CYP19A1: variants seen among roughly 807,000 people sequenced by gnomAD.
CYP19A1 encodes cytochrome P450 family 19 subfamily A member 1, also known as aromatase.
A neutral mutation model predicts 44.4 loss-of-function variants in CYP19A1; 32 were observed. The ratio of observed to expected loss-of-function variants is 0.72; its 90% CI spans 0.54 to 0.97. The LOEUF is 0.97. CYP19A1 is among the 50% of genes least tolerant of loss of function. CYP19A1 has a pLI of 0.00. For missense variants in CYP19A1, 598 were observed against 637.8 expected, an observed-to-expected ratio of 0.94 and a Z score of 0.67; for synonymous variants, 212 against 215.6, an observed-to-expected ratio of 0.98 and a Z score of 0.14.
chr15:51,304,557 T>C (rs1332402714), intron 1 of CYP19A1, among the ~76,000 whole-genome samples: 1 of 152,240 alleles, frequency 6.6e-6, no homozygotes, highest in African/African-American at 2.4e-5. Context: ...ATGGGAAATG[T>C]TTATTTCCTT....
chr15:51,313,775 CGACAGAGTGA>C (rs1038444184), intron 1 of CYP19A1, among the ~76,000 whole-genome samples: 1 of 151,864 alleles, frequency 6.6e-6, no homozygotes, highest in Non-Finnish European at 1.5e-5. Context: ...CCAGCCTGGG[CGACAGAGTGA>C]GACTCTATCT....
intron 1 of CYP19A1, chr15:51,255,828 G>A (rs1029457384): frequency 6.6e-6 from 1 of 152,160 alleles, no homozygotes; most frequent in Non-Finnish European, 1.5e-5. Context: ...AGCTTTTTAA[G>A]GATGGATAAA....
At chr15:51,221,349 T>C (rs1039933470) in intron 5 of CYP19A1, 1 of 152,120 alleles carries the variant, frequency 6.6e-6, no homozygotes, top group Non-Finnish European at 1.5e-5. Flanking sequence ...ATACATAATA[T>C]AAATGACTTT....
chr15:51,231,931 A>G (rs1342486265), intron 3 of CYP19A1, among the ~76,000 whole-genome samples: 2 of 151,964 alleles, frequency 1.3e-5, no homozygotes. Context: ...GTCCCTATTC[A>G]AGGCCAACCC....
At position 51,285,830 on chromosome 15, in the gene CYP19A1, T is replaced by C. The variant is rs146422084; in HGVS notation, c.-38-42880A>G. ...TCCATACTTGCGTTAGCCCACTTGATCCGTTTTCTCTCTCAAACTGTGTTT... is the reference window on the plus strand; with the variant it reads ...TCCATACTTGCGTTAGCCCACTTGACCCGTTTTCTCTCTCAAACTGTGTTT... On this transcript the variant is annotated intron_variant, in intron 1 of 9. Transcript: ENST00000396402. Among the ~76,000 whole-genome samples the C allele has an allele frequency of 8.6e-4, 131 of 152,326 alleles. 1 individual carries two copies. The highest frequency in any genetic ancestry group is 1.5e-3 in the Non-Finnish European group (102 of 68,020).
In CYP19A1 at chr15:51,212,384, C is replaced by T; in HGVS notation, c.1199G>A (p.Arg400Lys). The T allele has an allele frequency of 6.3e-7, 1 of 1,590,278 alleles. No homozygotes were observed. The highest frequency in any genetic ancestry group is 8.6e-7 in the Non-Finnish European group (1 of 1,158,234). The change falls in exon 9 of 10, where the codon AGG (arginine) becomes AAG (lysine). Residue 400 changes from arginine (R) to lysine (K), a missense_variant. Arg to Lys is a conservative substitution (Grantham distance 26). Transcript: ENST00000396402. ...KGTNIILNIGRMHRLEFFPKP... is the reference protein window; with the variant it reads ...KGTNIILNIGKMHRLEFFPKP... The stretch of plus-strand genomic sequence containing the variant: ...GGGGAAAAACTCGAGTCTGTGCATC[C>T]TTCCAATATTCAGGATAATGTTTGT...
chr15:51,328,547 G>GGTGC (rs966368320), intron 1 of CYP19A1, among the ~76,000 whole-genome samples: 6 of 147,318 alleles, frequency 4.1e-5, no homozygotes, highest in African/African-American at 1.5e-4. Context: ...ACAGGGCAGG[G>GGTGC]GTGTGTGTGT....
At chr15:51,228,692 C>T (rs2032790764) in intron 3 of CYP19A1, among the ~76,000 whole-genome samples, 1 of 152,216 alleles carries the variant, frequency 6.6e-6, no homozygotes, top group Admixed American at 6.5e-5. Context: ...GGGCAATTTG[C>T]ATGATGCTCA....
At chr15:51,242,628 C>T (rs894008546) in intron 2 of CYP19A1, 140 bp downstream of exon 2, 10 of 669,658 alleles carry the variant, frequency 1.5e-5, no homozygotes, top group Non-Finnish European at 2.2e-5. Context: ...CTCCCAAGTC[C>T]TCATTTGCTA....
At chr15:51,261,098 G>A (rs551405724) in intron 1 of CYP19A1, among the ~76,000 whole-genome samples, 2 of 152,270 alleles carry the variant, frequency 1.3e-5, no homozygotes, top group East Asian at 1.9e-4. Context: ...CTAGAGGCTC[G>A]CCATTGTTCC....
chr15:51,278,105 A>G (rs1056331690), intron 1 of CYP19A1: 10 of 152,048 alleles, frequency 6.6e-5, no homozygotes, highest in Admixed American at 5.9e-4. Context: ...TTTTCTGGCA[A>G]TCACTCTTCG....
intron 1 of CYP19A1, among the ~76,000 whole-genome samples, chr15:51,287,474 A>G (rs2035733147): frequency 6.6e-6 from 1 of 152,194 alleles, no homozygotes. Context: ...ACATGCTACA[A>G]GTGCCACTTC....
At chr15:51,247,997 G>A (rs1440811536) in intron 1 of CYP19A1, among the ~76,000 whole-genome samples, 1 of 152,094 alleles carries the variant, frequency 6.6e-6, no homozygotes, top group Non-Finnish European at 1.5e-5. Context: ...TATCTCAGTG[G>A]TCAGTTGAAG....
rs111876037 is a variant in CYP19A1 at position 51,304,273 on chromosome 15, A to G, written c.-39+34222T>C. 1.8e-4 allele frequency among the ~76,000 whole-genome samples: 27 copies of G among 152,342 alleles called. 1 individual carries two copies. The highest frequency in any genetic ancestry group is 6.3e-4 in the African/African-American group (26 of 41,570). ...CACTCCCTGGTGCTAAATTTGCACA[A>G]GTGATACCCCTTATCTTGGGGGTGT... On this transcript the variant is annotated intron_variant, in intron 1 of 9. Transcript: ENST00000396402.
intron 3 of CYP19A1, among the ~76,000 whole-genome samples, chr15:51,230,319 G>A (rs1045867226): frequency 6.6e-5 from 10 of 152,216 alleles, no homozygotes; most frequent in Admixed American, 5.2e-4. Flanking sequence ...TTATTTGGGA[G>A]AGTGAGGATT....
At chr15:51,258,110 A>C (rs556851777) in intron 1 of CYP19A1, among the ~76,000 whole-genome samples, 47 of 152,312 alleles carry the variant, frequency 3.1e-4, no homozygotes, top group Admixed American at 2.4e-3. Flanking sequence ...ACTCAGAACT[A>C]GGCTCTGTCC....
intron 1 of CYP19A1, among the ~76,000 whole-genome samples, chr15:51,330,000 T>C (rs2036674952): frequency 6.6e-6 from 1 of 152,052 alleles, no homozygotes; most frequent in Non-Finnish European, 1.5e-5. Context: ...GGACATCAGA[T>C]GTGTGTTTTA....
intron 1 of CYP19A1, among the ~76,000 whole-genome samples, chr15:51,333,314 C>T (rs1015781455): frequency 1.4e-4 from 22 of 152,058 alleles, no homozygotes; most frequent in African/African-American, 4.3e-4. Context: ...AAGTCACTGG[C>T]GGGGAGACTC....
chr15:51,320,183 G>T (rs537735014), intron 1 of CYP19A1: 2 of 152,348 alleles, frequency 1.3e-5, no homozygotes, highest in East Asian at 3.9e-4. Flanking sequence ...CCTGCTCACA[G>T]CTGCATCATG....
Sources: allele counts gnomAD v4.1 joint callset (sites outside exome capture counted in the v4.1 genomes callset), GRCh38; gene constraint gnomAD v4.1.1; transcripts MANE v1.5; gene names NCBI Gene and HGNC (gene_info 2026-07-23, HGNC 2026-07-21).